Variants in CHCHD6 observed in about 807,000 individuals in gnomAD.
CHCHD6 encodes the protein MICOS complex subunit MIC25.
CHCHD6 carries 28 observed loss-of-function variants against 32.3 expected under a neutral mutation model. The ratio of observed to expected loss-of-function variants is 0.87; its 90% CI spans 0.64 to 1.19. The LOEUF is 1.19. CHCHD6 is among the 50% of genes most tolerant of loss of function. The pLI, the probability that CHCHD6 is intolerant of heterozygous loss-of-function variation, is 0.00. For synonymous variants in CHCHD6, 122 were observed against 117.5 expected (o/e 1.04, Z -0.25); for missense variants, 333 against 307.0 (o/e 1.08, Z -0.63).
rs193106867 is a variant in CHCHD6, at chr3:126,922,598, C to T, written c.566+7848C>T. Among the ~76,000 whole-genome samples the T allele has an allele frequency of 9.3e-5, 14 of 151,078 alleles. No homozygotes were observed. The East Asian group carries it at 2.7e-3, about 30-fold the overall frequency. ...CTGGCTGTCCCAGTGCTGGCTGTGC[C>T]CTTCCCTGAATTTCAGCCCACCACG... On this transcript the variant is annotated intron_variant, in intron 6 of 7. Transcript: ENST00000290913.
chr3:126,907,437 A>T (rs1178825136), intron 5 of CHCHD6, among the ~76,000 whole-genome samples: 1 of 152,142 alleles, frequency 6.6e-6, no homozygotes, highest in African/African-American at 2.4e-5. Flanking sequence ...CTGAGCTTTA[A>T]TTTTTTATAT....
At chr3:126,849,201 G>A (rs902216382) in intron 4 of CHCHD6, among the ~76,000 whole-genome samples, 4 of 152,216 alleles carry the variant, frequency 2.6e-5, no homozygotes, top group African/African-American at 7.2e-5. Flanking sequence ...GCTGCAGGTC[G>A]CCAGCCTGGC....
chr3:126,923,269 C>T (rs1399047829), intron 6 of CHCHD6, among the ~76,000 whole-genome samples: 1 of 152,192 alleles, frequency 6.6e-6, no homozygotes, highest in East Asian at 1.9e-4. Context: ...TTTTTATGTC[C>T]TACTTTCTGT....
chr3:126,715,869 CA>C (rs1280995059), intron 1 of CHCHD6, among the ~76,000 whole-genome samples: 1 of 152,182 alleles, frequency 6.6e-6, no homozygotes, highest in Non-Finnish European at 1.5e-5. Context: ...TTCCTTTCTG[CA>C]AGTACAAATG....
intron 4 of CHCHD6, chr3:126,766,691 C>T (rs1937382821): frequency 9.0e-7 from 1 of 1,112,152 alleles, no homozygotes; most frequent in African/African-American, 1.5e-5. Flanking sequence ...TTCCCACAAG[C>T]CAGGCTCTGG....
chr3:126,895,369 A>G (rs1004379065), intron 5 of CHCHD6, among the ~76,000 whole-genome samples: 1 of 152,170 alleles, frequency 6.6e-6, no homozygotes, highest in African/African-American at 2.4e-5. Flanking sequence ...AGGAATGACC[A>G]TTACCGGCTG....
At chr3:126,933,630 A>T (rs2078437147) in intron 6 of CHCHD6, among the ~76,000 whole-genome samples, 1 of 152,122 alleles carries the variant, frequency 6.6e-6, no homozygotes, top group Non-Finnish European at 1.5e-5. Context: ...TTATTCGCTC[A>T]TTACCATGGG....
At chr3:126,927,313 A>G (rs1294576377) in intron 6 of CHCHD6, among the ~76,000 whole-genome samples, 5 of 152,200 alleles carry the variant, frequency 3.3e-5, no homozygotes, top group Admixed American at 3.3e-4. Context: ...ATGTGTGTGG[A>G]GCAAGGGCCC....
chr3:126,810,365 A>G (rs2107531052), intron 4 of CHCHD6, among the ~76,000 whole-genome samples: 2 of 152,340 alleles, frequency 1.3e-5, no homozygotes, highest in South Asian at 4.1e-4. Flanking sequence ...TGGGAAGTCA[A>G]TAGATGCCAG....
intron 4 of CHCHD6, among the ~76,000 whole-genome samples, chr3:126,828,099 C>T (rs1436407030): frequency 6.6e-6 from 1 of 152,190 alleles, no homozygotes; most frequent in Non-Finnish European, 1.5e-5. Context: ...ATCCTCCTCT[C>T]CTTCCCACCA....
chr3:126,892,594 C>T (rs1444238825), intron 5 of CHCHD6, among the ~76,000 whole-genome samples: 2 of 152,188 alleles, frequency 1.3e-5, no homozygotes, highest in Non-Finnish European at 2.9e-5. Context: ...ATCCCTAGCC[C>T]ACGTCCAGCT....
chr3:126,955,168 C>T (rs2078766098), intron 6 of CHCHD6, among the ~76,000 whole-genome samples: 1 of 152,246 alleles, frequency 6.6e-6, no homozygotes. Flanking sequence ...ACACCCATGT[C>T]ACAGTTCTTA....
intron 1 of CHCHD6, among the ~76,000 whole-genome samples, chr3:126,716,780 C>G (rs1935037649): frequency 6.7e-6 from 1 of 148,388 alleles, no homozygotes; most frequent in Non-Finnish European, 1.5e-5. Flanking sequence ...GAAAGCAAAG[C>G]AGAGTAAGGG....
intron 6 of CHCHD6, among the ~76,000 whole-genome samples, chr3:126,922,208 G>C (rs758657011): frequency 1.3e-5 from 2 of 152,116 alleles, no homozygotes; most frequent in Non-Finnish European, 2.9e-5. Flanking sequence ...ACGTGCCAGC[G>C]ACTGTGCTTG....
chr3:126,881,433 G>A (rs2077608584), intron 5 of CHCHD6, among the ~76,000 whole-genome samples: 2 of 152,162 alleles, frequency 1.3e-5, no homozygotes, highest in African/African-American at 4.8e-5. Context: ...CTGGCTACTC[G>A]CCCCAAGCCC....
chr3:126,907,764 A>C (rs1010538955), intron 5 of CHCHD6, among the ~76,000 whole-genome samples: 1 of 152,106 alleles, frequency 6.6e-6, no homozygotes, highest in African/African-American at 2.4e-5. Flanking sequence ...AACCTGCACT[A>C]ATTTTGCTGG....
Position 126,730,458 on chromosome 3 carries a change from G to A in CHCHD6, c.197-103G>A, listed in dbSNP as rs1051531758. On this transcript the variant is annotated intron_variant, in intron 2 of 7. Transcript: ENST00000290913. ...ACACATCTGTGATGCTGCCTTCCAA[G>A]GGGCACATTCATTCATGGGGGTCAT... 3.3e-6 allele frequency: 3 copies of A among 901,752 alleles called. No homozygotes were observed. The African/African-American group carries it at 4.9e-5, about 15-fold the overall frequency. 55.9% of individuals were successfully genotyped at this position (901,752 alleles called of 1,614,324 possible). A position where few individuals can be genotyped will look rare whatever the true frequency, so the allele number is the denominator to read the frequency against.
chr3:126,796,686 A>G (rs908969812), intron 4 of CHCHD6, among the ~76,000 whole-genome samples: 1 of 152,118 alleles, frequency 6.6e-6, no homozygotes, highest in African/African-American at 2.4e-5. Flanking sequence ...TGTGATTTGA[A>G]CAATGGAAAT....
intron 4 of CHCHD6, among the ~76,000 whole-genome samples, chr3:126,815,878 T>C (rs1431823368): frequency 6.6e-6 from 1 of 152,190 alleles, no homozygotes; most frequent in African/African-American, 2.4e-5. Context: ...GACGCTCACC[T>C]CTGCTGGAGG....
Sources: allele counts gnomAD v4.1 joint callset (sites outside exome capture counted in the v4.1 genomes callset), GRCh38; gene constraint gnomAD v4.1.1; transcripts MANE v1.5; gene names NCBI Gene and HGNC (gene_info 2026-07-23, HGNC 2026-07-21).